The following NXPE1 variants were observed in gnomAD, a reference collection of about 807,000 sequenced individuals.
NXPE1 encodes neurexophilin and PC-esterase domain family member 1, also known as NXPE family member 1.
Under a neutral mutation model 33.3 loss-of-function variants are expected in NXPE1, and 31 were observed. That is an observed-to-expected ratio of 0.93 (90% CI 0.70 to 1.26). The LOEUF is 1.26. Ranked by LOEUF, NXPE1 falls within the 50% of genes most tolerant of loss-of-function variation. The pLI is 0.00. For synonymous variants in NXPE1, 229 were observed against 231.4 expected, an observed-to-expected ratio of 0.99 and a Z score of 0.09; for missense variants, 661 against 655.6, an observed-to-expected ratio of 1.01 and a Z score of -0.09.
exon 9 of NXPE1, chr11:114,521,834 A>G: frequency 2.9e-6 from 2 of 679,030 alleles, no homozygotes; most frequent in South Asian, 2.1e-5. Flanking sequence ...TTGTCCTTAC[A>G]TAGCCTTCCT....
chr11:114,557,393 C>T (rs1200182352), intron 1 of NXPE1, among the ~76,000 whole-genome samples: 1 of 151,884 alleles, frequency 6.6e-6, no homozygotes, highest in Non-Finnish European at 1.5e-5. Flanking sequence ...GAAAACTGTA[C>T]TCCATTTACA....
chr11:114,546,224 A>G (rs1948277429), intron 5 of NXPE1, among the ~76,000 whole-genome samples: 1 of 152,168 alleles, frequency 6.6e-6, no homozygotes, highest in Non-Finnish European at 1.5e-5. Flanking sequence ...TTCTGAAACC[A>G]TTGTATGTGT....
chr11:114,547,925 C>A (rs1408183596), intron 5 of NXPE1, among the ~76,000 whole-genome samples: 1 of 151,890 alleles, frequency 6.6e-6, no homozygotes, highest in Non-Finnish European at 1.5e-5. Context: ...AGAAGAACTT[C>A]CTGTAATATT....
At chr11:114,544,302 A>C (rs1948201151) in intron 5 of NXPE1, among the ~76,000 whole-genome samples, 1 of 152,226 alleles carries the variant, frequency 6.6e-6, no homozygotes, top group Admixed American at 6.5e-5. Flanking sequence ...CAAAATGGGA[A>C]AAATCTCATT....
chr11:114,554,750 C>T (rs1233486120), intron 1 of NXPE1, among the ~76,000 whole-genome samples: 6 of 152,186 alleles, frequency 3.9e-5, no homozygotes, highest in South Asian at 2.1e-4. Flanking sequence ...CTAATATTAC[C>T]GTGATTTGTT....
intron 5 of NXPE1, among the ~76,000 whole-genome samples, chr11:114,541,361 G>T (rs1157491716): frequency 1.3e-5 from 2 of 152,168 alleles, no homozygotes; most frequent in African/African-American, 4.8e-5. Flanking sequence ...TTATAACTAT[G>T]CTCAATGAGG....
In NXPE1 at chr11:114,530,291, T is replaced by C. The variant is rs1370211701; in HGVS notation, c.717A>G (p.Gln239=). The stretch of plus-strand genomic sequence containing the variant: ...GAGGCTTCATACAATAGAAGGCTTC[T>C]TGGTCTCTGTCATCCAGATATTCAC... The change falls in exon 6 of 9, where the codon CAA becomes CAG. Residue 239 remains glutamine (Q), a synonymous_variant. Coordinates refer to ENST00000534921, the Ensembl canonical transcript of NXPE1. 5 of 1,614,242 alleles carry C rather than the reference T, an allele frequency of 3.1e-6. No homozygotes were observed. In the South Asian group the frequency reaches 5.5e-5, roughly 18 times the overall value.
intron 1 of NXPE1, among the ~76,000 whole-genome samples, chr11:114,557,634 C>CATATATATATATATAT (rs4019608): frequency 3.1e-5 from 4 of 128,454 alleles, no homozygotes; most frequent in Non-Finnish European, 4.9e-5. Context: ...ATATATAATA[C>CATATATATATATATAT]ATATATATAT....
chr11:114,547,472 C>A (rs545012985), intron 5 of NXPE1, among the ~76,000 whole-genome samples: 2 of 152,242 alleles, frequency 1.3e-5, no homozygotes, highest in African/African-American at 4.8e-5. Context: ...CGGTGGCTCA[C>A]GCCTGTAATC....
intron 1 of NXPE1, among the ~76,000 whole-genome samples, chr11:114,558,746 A>G (rs1343368331): frequency 6.6e-6 from 1 of 152,144 alleles, no homozygotes. Flanking sequence ...ACAAATTAAC[A>G]TGATCGTTTT....
chr11:114,546,471 CTTT>C (rs57557121), intron 5 of NXPE1, among the ~76,000 whole-genome samples: 12 of 145,998 alleles, frequency 8.2e-5, no homozygotes, highest in African/African-American at 1.7e-4. Flanking sequence ...TTTTCTTTTT[CTTT>C]TTTTTTTTTT....
At chr11:114,530,740 T>A (rs1186323149) in exon 6 of NXPE1, 1 of 1,614,118 alleles carries the variant, frequency 6.2e-7, no homozygotes. Flanking sequence ...TTCACATGGG[T>A]GAAAGGTCTG....
chr11:114,557,486 G>T (rs1948678381), intron 1 of NXPE1, among the ~76,000 whole-genome samples: 1 of 151,438 alleles, frequency 6.6e-6, no homozygotes, highest in Admixed American at 6.6e-5. Flanking sequence ...AGATGGAAAA[G>T]AAATATGCTG....
At chr11:114,535,676 A>G (rs917464133) in intron 5 of NXPE1, among the ~76,000 whole-genome samples, 1 of 152,232 alleles carries the variant, frequency 6.6e-6, no homozygotes, top group Non-Finnish European at 1.5e-5. Flanking sequence ...AGATCAAAAG[A>G]GACAAAGAAG....
In NXPE1 at chr11:114,558,853, G is replaced by T. The variant is rs561444364; in HGVS notation, c.-211+945C>A. On this transcript the variant is annotated intron_variant, in intron 1 of 8. Coordinates refer to ENST00000534921, the Ensembl canonical transcript of NXPE1. ...TACATCACAGAGGACTTCTCAGTCA[G>T]GTCCATAAAGAATCACATACAAAGT... 3.9e-5 allele frequency among the ~76,000 whole-genome samples: 6 copies of T among 152,260 alleles called. No homozygotes were observed. The East Asian group carries it at 1.2e-3, about 29-fold the overall frequency.
chr11:114,523,368 G>A (rs76621766), intron 7 of NXPE1, among the ~76,000 whole-genome samples: 2,902 of 151,960 alleles, frequency 0.019, 97 homozygotes, highest in African/African-American at 0.067. Flanking sequence ...TTTCTTTGAC[G>A]TTCTATCCTT....
At chr11:114,527,947 T>C in intron 6 of NXPE1, 46 bp from the exon 7 acceptor site, 1 of 1,431,838 alleles carries the variant, frequency 7.0e-7, no homozygotes, top group Non-Finnish European at 9.7e-7. Context: ...TCTCTGCCCA[T>C]GTAACACAGG....
At chr11:114,519,723 C>G (rs955166010), downstream of NXPE1, among the ~76,000 whole-genome samples, 3 of 151,900 alleles carry the variant, frequency 2.0e-5, no homozygotes, top group Non-Finnish European at 2.9e-5. Context: ...TATTTGAACA[C>G]GTATTTGTCT....
intron 6 of NXPE1, among the ~76,000 whole-genome samples, chr11:114,528,608 G>A (rs548628288): frequency 3.9e-5 from 6 of 152,266 alleles, no homozygotes; most frequent in East Asian, 1.9e-4. Context: ...TGTTGAATCC[G>A]ATGTGTTAAT....
Sources: gnomAD v4.1 joint callset for allele counts (sites outside exome capture counted in the v4.1 genomes callset) on GRCh38, gnomAD v4.1.1 for gene constraint, MANE v1.5 for transcripts, NCBI Gene and HGNC (gene_info 2026-07-23, HGNC 2026-07-21) for gene names.